Variants in SESTD1 observed in about 807,000 individuals in gnomAD.
The protein encoded by SESTD1 is SEC14 and spectrin domain containing 1.
Under a neutral mutation model 101.7 loss-of-function variants are expected in SESTD1, and 43 were observed. The observed-to-expected ratio is 0.42, with a 90% confidence interval of 0.33 to 0.55. The LOEUF (loss-of-function observed/expected upper bound fraction) is 0.55, where lower values mean the gene tolerates loss of function less well. SESTD1 is among the 20% of genes least tolerant of loss of function. The pLI, the probability that SESTD1 is intolerant of heterozygous loss-of-function variation, is 0.07. For synonymous variants in SESTD1, 283 were observed against 286.8 expected (o/e 0.99, Z 0.13); for missense variants, 647 against 815.1 (o/e 0.79, Z 2.51).
chr2:179,127,406 C>A (rs969534220), intron 10 of SESTD1, among the ~76,000 whole-genome samples: 3 of 152,156 alleles, frequency 2.0e-5, no homozygotes, highest in Non-Finnish European at 2.9e-5. Flanking sequence ...ATGGCAAAAG[C>A]CTAGAACAAC....
intron 2 of SESTD1, among the ~76,000 whole-genome samples, chr2:179,183,833 GGAGA>G (rs368416135): frequency 1.0e-3 from 141 of 141,548 alleles, no homozygotes; most frequent in African/African-American, 2.0e-3. Context: ...AGAAAAGAAA[GGAGA>G]GAGAGAGAGA....
At chr2:179,151,942 G>A (rs1394428548) in intron 5 of SESTD1, among the ~76,000 whole-genome samples, 7 of 151,834 alleles carry the variant, frequency 4.6e-5, no homozygotes, top group Admixed American at 3.9e-4. Context: ...AACTTGAAAC[G>A]TACATATTAA....
intron 1 of SESTD1, among the ~76,000 whole-genome samples, chr2:179,193,613 A>G (rs2046349664): frequency 6.6e-6 from 1 of 152,166 alleles, no homozygotes; most frequent in Admixed American, 6.5e-5. Context: ...TAAACTATGC[A>G]CTGTTTTAAA....
At position 179,115,234 on chromosome 2, in the gene SESTD1, T is replaced by C; in HGVS notation, c.1670A>G (p.Gln557Arg). The C allele has an allele frequency of 6.2e-7, 1 of 1,600,388 alleles. No individual in the cohort carries two copies. The highest frequency in any genetic ancestry group is 8.5e-7 in the Non-Finnish European group (1 of 1,176,724). Residue 557 changes from glutamine to arginine, a missense_variant, in exon 16 of 18, where the codon CAG becomes CGG. Physicochemically the swap from Gln to Arg is conservative, Grantham distance 43. Coordinates refer to ENST00000428443, the MANE Select transcript of SESTD1 (RefSeq NM_178123.5). ...VAQSTYDYGR[Q>R]LLQATVVLCQ... Reference sequence around the variant, plus strand: ...TAACACAACTGTGGCCTGTAGCAACTGCCTGCCATAGTCATAAGTGCTCTA... The same window carrying C: ...TAACACAACTGTGGCCTGTAGCAACCGCCTGCCATAGTCATAAGTGCTCTA...
intron 1 of SESTD1, among the ~76,000 whole-genome samples, chr2:179,220,986 C>T (rs937593851): frequency 6.6e-6 from 1 of 152,058 alleles, no homozygotes; most frequent in Non-Finnish European, 1.5e-5. Context: ...ATTGGCATAA[C>T]AAATTAATTT....
At position 179,107,581 on chromosome 2, in the gene SESTD1, A is replaced by G. The variant is rs1266253911; in HGVS notation, c.*2318T>C. On this transcript the variant is annotated 3_prime_UTR_variant, in exon 18 of 18. Coordinates refer to ENST00000428443, the MANE Select transcript of SESTD1 (RefSeq NM_178123.5). ...AGTTATTGAGTATAACTAAATATCT[A>G]AAGTAGTTAGTATCTAAGAATCTAA... 1 of 152,202 alleles carries G rather than the reference A, an allele frequency of 6.6e-6. No homozygotes were observed. The highest frequency in any genetic ancestry group is 2.4e-5 in the African/African-American group (1 of 41,466). 9.4% of individuals were successfully genotyped at this position (152,202 alleles called of 1,614,324 possible).
At chr2:179,244,421 T>C (rs2047200774) in intron 1 of SESTD1, among the ~76,000 whole-genome samples, 3 of 151,176 alleles carry the variant, frequency 2.0e-5, no homozygotes, top group Non-Finnish European at 4.4e-5. Context: ...ATCACACCAC[T>C]GCACTACAGC....
chr2:179,182,452 A>C (rs987401202), intron 3 of SESTD1, among the ~76,000 whole-genome samples: 2 of 152,168 alleles, frequency 1.3e-5, no homozygotes, highest in African/African-American at 4.8e-5. Context: ...TTTTGAAAAA[A>C]ATCTCCAGAT....
intron 5 of SESTD1, among the ~76,000 whole-genome samples, chr2:179,159,980 G>C (rs111745199): frequency 2.0e-5 from 3 of 151,896 alleles, no homozygotes; most frequent in Non-Finnish European, 4.4e-5. Flanking sequence ...TCAGCCTCCC[G>C]AGCAGCTGGG....
rs192615937 is a variant in SESTD1, at chr2:179,117,463, T to C, written c.1524+69A>G. On this transcript the variant is annotated intron_variant, in intron 14 of 17. Coordinates refer to ENST00000428443, the MANE Select transcript of SESTD1 (RefSeq NM_178123.5). ...TTTAGGACCATGAAAAGTACACTTT[T>C]GTTTGTAGTTAGATAAAATCAATCT... The C allele has an allele frequency of 5.2e-6, 7 of 1,357,274 alleles. No individual in the cohort carries two copies. The South Asian group carries it at 6.9e-5, about 13-fold the overall frequency. 84.1% of individuals were successfully genotyped at this position (1,357,274 alleles called of 1,614,324 possible).
At chr2:179,227,668 T>G (rs2046908715) in intron 1 of SESTD1, among the ~76,000 whole-genome samples, 1 of 152,212 alleles carries the variant, frequency 6.6e-6, no homozygotes, top group Admixed American at 6.5e-5. Flanking sequence ...TCTTAAAGTC[T>G]CACTGCTTTT....
At chr2:179,134,869 A>G (rs371974610) in intron 9 of SESTD1, among the ~76,000 whole-genome samples, 49 of 152,296 alleles carry the variant, frequency 3.2e-4, no homozygotes, top group African/African-American at 1.0e-3. Flanking sequence ...TTTCTATCTG[A>G]AACATCCACC....
At chr2:179,138,871 A>C (rs1377517389) in intron 9 of SESTD1, among the ~76,000 whole-genome samples, 1 of 4,170 alleles carries the variant, frequency 2.4e-4, no homozygotes, top group Non-Finnish European at 4.3e-4. Flanking sequence ...ACCCTGTCTC[A>C]AAAAAAAAAA....
rs141533453 is a variant in SESTD1 at position 179,120,951 on chromosome 2, G to GAGTT, written c.1442+815_1442+818dup. On this transcript the variant is annotated intron_variant, in intron 13 of 17. Coordinates refer to ENST00000428443, the MANE Select transcript of SESTD1 (RefSeq NM_178123.5). ...CCAGAGTAGAGAATGGGATTTGATG[G>GAGTT]AGTTAGGAGTCAGGAGGGTGATCAG... Among the ~76,000 whole-genome samples the GAGTT allele has an allele frequency of 8.6e-3, 1,307 of 152,288 alleles. 10 individuals are homozygous for GAGTT. Among genetic ancestry groups the GAGTT allele is most frequent in the African/African-American group, 0.029 (1,219 of 41,558 alleles).
At position 179,201,959 on chromosome 2, in the gene SESTD1, A is replaced by AAT. The variant is rs2046524379; in HGVS notation, c.-25-10094_-25-10093insAT. On this transcript the variant is annotated intron_variant, in intron 1 of 17. Coordinates refer to ENST00000428443, the MANE Select transcript of SESTD1 (RefSeq NM_178123.5). ...ATAATAATAATAATAATAATAATAA[A>AAT]GAAAGAGGAATGCTTAGGACAAGTC... is the stretch of plus-strand genomic sequence containing the variant. 3.4e-5 allele frequency among the ~76,000 whole-genome samples: 4 copies of AAT among 116,084 alleles called. 1 individual carries two copies. Among genetic ancestry groups the AAT allele is most frequent in the African/African-American group, 1.2e-4 (3 of 24,818 alleles). The allele number at this position is 116,084 out of a possible 152,430, so 76.2% of individuals were successfully genotyped here. A position where few individuals can be genotyped will look rare whatever the true frequency, so the allele number is the denominator to read the frequency against.
intron 5 of SESTD1, among the ~76,000 whole-genome samples, chr2:179,170,236 G>T (rs559720838): frequency 1.3e-5 from 2 of 150,744 alleles, no homozygotes; most frequent in African/African-American, 4.9e-5. Flanking sequence ...TGAAAAAGAG[G>T]ACTTCATCAT....
chr2:179,152,236 T>C (rs1371836909), intron 5 of SESTD1, among the ~76,000 whole-genome samples: 5 of 152,140 alleles, frequency 3.3e-5, no homozygotes, highest in African/African-American at 1.2e-4. Flanking sequence ...TCTGCAAAAT[T>C]ATAACTTTTT....
intron 1 of SESTD1, among the ~76,000 whole-genome samples, chr2:179,232,674 T>G (rs1023936108): frequency 2.0e-5 from 3 of 152,198 alleles, no homozygotes; most frequent in Non-Finnish European, 4.4e-5. Context: ...TGGAGTACTA[T>G]GCAGCTCTAA....
At chr2:179,217,370 C>G (rs543332627) in intron 1 of SESTD1, among the ~76,000 whole-genome samples, 1 of 152,294 alleles carries the variant, frequency 6.6e-6, no homozygotes, top group Non-Finnish European at 1.5e-5. Context: ...CCAACAGACA[C>G]CTGAAAATAT....
Sources: allele counts gnomAD v4.1 joint callset (sites outside exome capture counted in the v4.1 genomes callset), GRCh38; gene constraint gnomAD v4.1.1; transcripts MANE v1.5; gene names NCBI Gene and HGNC (gene_info 2026-07-23, HGNC 2026-07-21).